The following TEX11 variants were observed in gnomAD, a reference collection of about 807,000 sequenced individuals.
The protein encoded by TEX11 is testis expressed 11, also known as testis-expressed protein 11.
A neutral mutation model predicts 84.4 loss-of-function variants in TEX11; 7 were observed. The ratio of observed to expected loss-of-function variants is 0.08; its 90% CI spans 0.05 to 0.16. The LOEUF is 0.16. Among genes scored for constraint, TEX11 ranks in the 10% least tolerant of loss-of-function variants. TEX11 has a pLI of 1.00. For missense variants in TEX11, 551 were observed against 660.5 expected (o/e 0.83, Z 1.82); for synonymous variants, 264 against 222.8 (o/e 1.18, Z -1.64).
At chrX:70,886,388 T>G (rs1038968250) in intron 2 of TEX11, among the ~76,000 whole-genome samples, 1 of 111,234 alleles carries the variant, frequency 9.0e-6, no homozygotes, top group African/African-American at 3.3e-5. Context: ...CCTAAAATAG[T>G]CAAATTCATA....
chrX:70,597,291 T>C (rs1198193990), intron 24 of TEX11, among the ~76,000 whole-genome samples: 3 of 111,570 alleles, frequency 2.7e-5, no homozygotes, highest in African/African-American at 9.8e-5. Flanking sequence ...TTGGTCCTAA[T>C]GGAAATTCCA....
At chrX:70,679,727 G>A (rs2090120316) in intron 14 of TEX11, among the ~76,000 whole-genome samples, 1 of 108,871 alleles carries the variant, frequency 9.2e-6, no homozygotes, top group Non-Finnish European at 1.9e-5. Flanking sequence ...GTCAGGCAGG[G>A]AGGTGGGGGG....
At chrX:70,552,864 A>G (rs775803338) in intron 27 of TEX11, among the ~76,000 whole-genome samples, 44 of 111,591 alleles carry the variant, frequency 3.9e-4, no homozygotes, top group South Asian at 7.7e-4. Context: ...GCTGAGGTGG[A>G]GAATCATTTG....
chrX:70,514,881 T>A, the TEX11 span, among the ~76,000 whole-genome samples: 1 of 110,129 alleles, frequency 9.1e-6, no homozygotes, highest in Non-Finnish European at 1.9e-5. Context: ...TAGCTTGGCC[T>A]ACATGGTGAA....
At chrX:70,752,258 C>G (rs961024016) in intron 9 of TEX11, among the ~76,000 whole-genome samples, 2 of 110,424 alleles carry the variant, frequency 1.8e-5, no homozygotes, top group African/African-American at 6.6e-5. Context: ...ATAATAATCA[C>G]CAAAAAAGAA....
At chrX:70,875,768 A>G in intron 3 of TEX11, among the ~76,000 whole-genome samples, 1 of 111,153 alleles carries the variant, frequency 9.0e-6, no homozygotes, top group South Asian at 3.8e-4. Context: ...AAAAATAAAA[A>G]CAAAAATAAA....
At chrX:70,672,577 G>A (rs2090034842) in intron 15 of TEX11, among the ~76,000 whole-genome samples, 1 of 111,497 alleles carries the variant, frequency 9.0e-6, no homozygotes, top group African/African-American at 3.3e-5. Context: ...TGGGGTTTTC[G>A]TTTGCATTTC....
chrX:70,653,952 C>A (rs773434255), intron 16 of TEX11, among the ~76,000 whole-genome samples: 12 of 111,762 alleles, frequency 1.1e-4, no homozygotes, highest in Non-Finnish European at 7.5e-5. Flanking sequence ...ACATACTGCA[C>A]GATTCCAATT....
intron 25 of TEX11, among the ~76,000 whole-genome samples, chrX:70,557,905 T>C (rs777335590): frequency 2.8e-4 from 31 of 112,064 alleles, no homozygotes; most frequent in Non-Finnish European, 5.6e-4. Flanking sequence ...TCCCAGCACT[T>C]TGGGAGGCTG....
intron 16 of TEX11, among the ~76,000 whole-genome samples, chrX:70,652,409 A>C (rs1379222242): frequency 1.8e-5 from 2 of 112,104 alleles, no homozygotes; most frequent in African/African-American, 3.2e-5. Context: ...GAAACGAGAT[A>C]GCAGAAGCAG....
chrX:70,860,310 A>G (rs998616584), intron 5 of TEX11, among the ~76,000 whole-genome samples: 7 of 112,010 alleles, frequency 6.2e-5, no homozygotes, highest in Non-Finnish European at 1.3e-4. Context: ...ATTTACACAT[A>G]TATTTTATAG....
chrX:70,749,541 T>A (rs1266065972), intron 9 of TEX11, among the ~76,000 whole-genome samples: 1 of 106,232 alleles, frequency 9.4e-6, no homozygotes, highest in Non-Finnish European at 1.9e-5. Context: ...CCATTCAGTA[T>A]GATATTGGCT....
chrX:70,847,063 G>GATGGCA (rs1409790146), intron 7 of TEX11, among the ~76,000 whole-genome samples: 1 of 111,636 alleles, frequency 9.0e-6, no homozygotes, highest in Non-Finnish European at 1.9e-5. Flanking sequence ...TCTTGCTCTA[G>GATGGCA]TAGTTCCTCT....
chrX:70,781,128 T>C (rs1385386844), intron 9 of TEX11, among the ~76,000 whole-genome samples: 1 of 111,775 alleles, frequency 8.9e-6, no homozygotes, highest in African/African-American at 3.3e-5. Context: ...CAGGCAGCAA[T>C]ATTTGCTATT....
intron 24 of TEX11, among the ~76,000 whole-genome samples, chrX:70,603,096 A>G (rs1237351644): frequency 1.9e-4 from 11 of 58,203 alleles, no homozygotes; most frequent in African/African-American, 1.3e-4. Flanking sequence ...ATGGGTAGGA[A>G]GAATCAATAT....
intron 24 of TEX11, among the ~76,000 whole-genome samples, chrX:70,594,000 CA>C (rs750889356): frequency 9.0e-6 from 1 of 111,077 alleles, no homozygotes; most frequent in Admixed American, 9.6e-5. Flanking sequence ...TGATGAAAAA[CA>C]ATAATCTACA....
At chrX:70,630,008 A>G (rs943585910) in intron 17 of TEX11, among the ~76,000 whole-genome samples, 1 of 111,988 alleles carries the variant, frequency 8.9e-6, no homozygotes, top group Non-Finnish European at 1.9e-5. Context: ...TTCATCCAGC[A>G]TTGTTTATAA....
chrX:70,724,205 T>C, intron 12 of TEX11: 1 of 753,624 alleles, frequency 1.3e-6, no homozygotes, highest in South Asian at 6.8e-5. Flanking sequence ...AGTTGGTTAG[T>C]TGGTTTGTTT....
chrX:70,544,555 T>A (rs989319864), intron 28 of TEX11, among the ~76,000 whole-genome samples: 1 of 110,821 alleles, frequency 9.0e-6, no homozygotes, highest in Non-Finnish European at 1.9e-5. Context: ...GACCTTGTCT[T>A]ACTGCAACTT....
Sources: gnomAD v4.1 joint callset for allele counts (sites outside exome capture counted in the v4.1 genomes callset) on GRCh38, gnomAD v4.1.1 for gene constraint, MANE v1.5 for transcripts, NCBI Gene and HGNC (gene_info 2026-07-23, HGNC 2026-07-21) for gene names.